JMJD1C: variants seen among roughly 807,000 people sequenced by gnomAD.
The protein encoded by JMJD1C is jumonji domain containing 1C.
In JMJD1C, 31 loss-of-function variants were observed where a neutral mutation model predicts 245.3. The ratio of observed to expected loss-of-function variants is 0.13; its 90% CI spans 0.09 to 0.17. JMJD1C has a LOEUF of 0.17. Ranked by LOEUF, JMJD1C falls within the 10% of genes least tolerant of loss-of-function variation. JMJD1C has a pLI of 1.00. For synonymous variants in JMJD1C, 1,057 were observed against 1,017.4 expected (o/e 1.04, Z -0.74); for missense variants, 2,691 against 3,000.2 (o/e 0.90, Z 2.41).
At chr10:63,217,123 G>A (rs989397630) in intron 5 of JMJD1C, 84 bp downstream of exon 5, 6 of 1,197,422 alleles carry the variant, frequency 5.0e-6, no homozygotes, top group South Asian at 1.5e-5. Context: ...AAATTATTTA[G>A]TATCAAATTG....
intron 2 of JMJD1C, among the ~76,000 whole-genome samples, chr10:63,345,910 G>A (rs1472303244): frequency 6.6e-6 from 1 of 151,770 alleles, no homozygotes; most frequent in Non-Finnish European, 1.5e-5. Context: ...AAGGAGACAG[G>A]GAAAAAGGTA....
intron 3 of JMJD1C, among the ~76,000 whole-genome samples, chr10:63,231,923 C>T (rs563029896): frequency 3.9e-5 from 6 of 152,198 alleles, no homozygotes; most frequent in African/African-American, 9.6e-5. Flanking sequence ...CTGCAGCCTC[C>T]GTCTCCTGGG....
intron 3 of JMJD1C, among the ~76,000 whole-genome samples, chr10:63,264,414 C>T (rs555660277): frequency 1.3e-5 from 2 of 152,110 alleles, no homozygotes; most frequent in South Asian, 4.1e-4. Context: ...TTGTTTACTT[C>T]TGTATTCCTT....
chr10:63,340,215 A>C (rs952100813), intron 2 of JMJD1C, among the ~76,000 whole-genome samples: 4 of 152,190 alleles, frequency 2.6e-5, no homozygotes, highest in African/African-American at 9.6e-5. Context: ...ACAAACACAC[A>C]GTTTATTCAG....
At chr10:63,378,161 A>G (rs1946918323) in intron 2 of JMJD1C, among the ~76,000 whole-genome samples, 1 of 152,034 alleles carries the variant, frequency 6.6e-6, no homozygotes, top group Admixed American at 6.6e-5. Flanking sequence ...CAAGGCTAAG[A>G]GGTTTTCAAC....
chr10:63,438,246 A>G (rs926548748), intron 1 of JMJD1C, among the ~76,000 whole-genome samples: 1 of 152,192 alleles, frequency 6.6e-6, no homozygotes, highest in Non-Finnish European at 1.5e-5. Context: ...TGGTAACTCT[A>G]TGTTTTGCAG....
intron 2 of JMJD1C, among the ~76,000 whole-genome samples, chr10:63,343,182 C>T (rs1241189398): frequency 6.6e-6 from 1 of 151,894 alleles, no homozygotes; most frequent in African/African-American, 2.4e-5. Context: ...GACAACATGG[C>T]GAAACCCTGT....
At chr10:63,265,154 A>C (rs1340642036) in intron 2 of JMJD1C, among the ~76,000 whole-genome samples, 1 of 152,082 alleles carries the variant, frequency 6.6e-6, no homozygotes, top group Non-Finnish European at 1.5e-5. Flanking sequence ...TTCTTATTAA[A>C]GAGAGTAGTT....
At chr10:63,222,256 T>C (rs1485372196) in intron 3 of JMJD1C, 2 of 815,132 alleles carry the variant, frequency 2.5e-6, no homozygotes, top group Admixed American at 1.7e-5. Context: ...ATTTACAGGA[T>C]GTAACAGGGA....
At chr10:63,345,080 T>C (rs1327895991) in intron 2 of JMJD1C, among the ~76,000 whole-genome samples, 1 of 152,220 alleles carries the variant, frequency 6.6e-6, no homozygotes, top group Non-Finnish European at 1.5e-5. Flanking sequence ...TCTGTATATG[T>C]ATGTTTTTAG....
chr10:63,469,350 A>C (rs1953417509), upstream of JMJD1C, among the ~76,000 whole-genome samples: 1 of 152,242 alleles, frequency 6.6e-6, no homozygotes, highest in Non-Finnish European at 1.5e-5. Flanking sequence ...AGAGAAGTTT[A>C]GTAACTTGCC....
rs1847674075 is a variant in JMJD1C at position 63,214,038 on chromosome 10, T to C, written c.2129A>G (p.His710Arg). The change falls in exon 8 of 26, where the codon CAT (histidine) becomes CGT (arginine). Residue 710 changes from histidine to arginine, a missense_variant. Transcript: ENST00000399262. ...TGCAGGATCTCTGTAAACTGTAAAA[T>C]GCTCATTTTTATCAATGATAAGAGG... ...KSPLIIDKNE[H>R]FTVYRDPALI... 2 of 1,614,082 alleles carry C rather than the reference T, an allele frequency of 1.2e-6. No homozygotes were observed. The highest frequency in any genetic ancestry group is 1.3e-5 in the African/African-American group (1 of 74,920).
At chr10:63,347,836 C>A (rs1943988585) in intron 2 of JMJD1C, among the ~76,000 whole-genome samples, 1 of 152,066 alleles carries the variant, frequency 6.6e-6, no homozygotes, top group African/African-American at 2.4e-5. Flanking sequence ...ATCTCTTCAA[C>A]CCAGGGGGTG....
chr10:63,221,817 G>A (rs1848632064), intron 3 of JMJD1C, among the ~76,000 whole-genome samples: 1 of 152,202 alleles, frequency 6.6e-6, no homozygotes, highest in Non-Finnish European at 1.5e-5. Context: ...CACCTCCCAG[G>A]TTCAAGCAAT....
At chr10:63,419,351 C>CT (rs1949982548) in intron 1 of JMJD1C, among the ~76,000 whole-genome samples, 1 of 151,936 alleles carries the variant, frequency 6.6e-6, no homozygotes, top group Non-Finnish European at 1.5e-5. Context: ...CACACCATTG[C>CT]ACTCCAGCCT....
chr10:63,479,536 C>T (rs1206649348), intron 1 of JMJD1C, among the ~76,000 whole-genome samples: 1 of 152,192 alleles, frequency 6.6e-6, no homozygotes, highest in Non-Finnish European at 1.5e-5. Flanking sequence ...AAGAACCACA[C>T]ATTGCATCTG....
At chr10:63,172,055 T>C (rs1242979281) in intron 24 of JMJD1C, among the ~76,000 whole-genome samples, 1 of 152,212 alleles carries the variant, frequency 6.6e-6, no homozygotes, top group Admixed American at 6.5e-5. Context: ...AAGGTAGCAA[T>C]TCCCTTTTGT....
At chr10:63,354,468 T>C (rs1944632582) in intron 2 of JMJD1C, among the ~76,000 whole-genome samples, 1 of 152,156 alleles carries the variant, frequency 6.6e-6, no homozygotes, top group Admixed American at 6.6e-5. Context: ...CAATTTTTCA[T>C]ATTTTTTATT....
At chr10:63,383,889 T>C (rs1487001341) in intron 1 of JMJD1C, among the ~76,000 whole-genome samples, 1 of 152,120 alleles carries the variant, frequency 6.6e-6, no homozygotes, top group Non-Finnish European at 1.5e-5. Context: ...TTTGTGACAA[T>C]TTCTTAAAAT....
Sources: allele counts gnomAD v4.1 joint callset (sites outside exome capture counted in the v4.1 genomes callset), GRCh38; gene constraint gnomAD v4.1.1; transcripts MANE v1.5; gene names NCBI Gene and HGNC (gene_info 2026-07-23, HGNC 2026-07-21).